Variants in PPARGC1A observed in about 807,000 individuals in gnomAD.
The protein encoded by PPARGC1A is PPARG coactivator 1 alpha, also known as peroxisome proliferator-activated receptor gamma coactivator 1-alpha.
PPARGC1A carries 25 observed loss-of-function variants against 88.7 expected under a neutral mutation model. The observed-to-expected ratio is 0.28, with a 90% CI of 0.21 to 0.39. PPARGC1A has a LOEUF of 0.39. Among genes scored for constraint, PPARGC1A ranks in the 10% least tolerant of loss-of-function variants. PPARGC1A has a pLI of 1.00. For synonymous variants in PPARGC1A, 363 were observed against 355.6 expected, an observed-to-expected ratio of 1.02 and a Z score of -0.24; for missense variants, 880 against 968.7, an observed-to-expected ratio of 0.91 and a Z score of 1.22.
the PPARGC1A span, among the ~76,000 whole-genome samples, chr4:24,339,123 T>C: frequency 6.6e-6 from 1 of 151,386 alleles, no homozygotes; most frequent in Non-Finnish European, 1.5e-5. Flanking sequence ...CTCATGTAAG[T>C]GGAATCACAT....
the PPARGC1A span, among the ~76,000 whole-genome samples, chr4:24,205,865 T>C: frequency 1.3e-5 from 2 of 152,218 alleles, no homozygotes; most frequent in Admixed American, 6.5e-5. Context: ...AAATAATCCA[T>C]ATTCAGTAAG....
At chr4:24,003,878 G>A in the PPARGC1A span, among the ~76,000 whole-genome samples, 2,075 of 150,420 alleles carry the variant, frequency 0.014, 41 homozygotes, top group African/African-American at 0.047. Flanking sequence ...TGGTTTGTAC[G>A]ATTGAGATAA....
At chr4:23,918,237 T>G in the PPARGC1A span, among the ~76,000 whole-genome samples, 14 of 151,972 alleles carry the variant, frequency 9.2e-5, no homozygotes, top group African/African-American at 2.9e-4. Flanking sequence ...TTCTTTTTTT[T>G]GGGGGGATGG....
At chr4:23,992,531 C>CA in the PPARGC1A span, among the ~76,000 whole-genome samples, 15 of 151,340 alleles carry the variant, frequency 9.9e-5, no homozygotes, top group East Asian at 3.9e-4. Context: ...AGTTTGCACC[C>CA]AAAAAAAACA....
At chr4:24,275,608 A>G in the PPARGC1A span, among the ~76,000 whole-genome samples, 1 of 152,200 alleles carries the variant, frequency 6.6e-6, no homozygotes, top group African/African-American at 2.4e-5. Flanking sequence ...AATAAATAGG[A>G]TTTTTGCTTT....
the PPARGC1A span, among the ~76,000 whole-genome samples, chr4:24,290,709 T>C: frequency 6.6e-6 from 1 of 152,082 alleles, no homozygotes; most frequent in African/African-American, 2.4e-5. Flanking sequence ...TGGCACATAG[T>C]AGGCACTCGA....
the PPARGC1A span, among the ~76,000 whole-genome samples, chr4:23,956,008 T>A: frequency 6.6e-6 from 1 of 152,132 alleles, no homozygotes; most frequent in South Asian, 2.1e-4. Flanking sequence ...AGTGTGTCAG[T>A]GAACAGGCAT....
chr4:24,071,689 T>C, the PPARGC1A span, among the ~76,000 whole-genome samples: 1 of 152,094 alleles, frequency 6.6e-6, no homozygotes, highest in Non-Finnish European at 1.5e-5. Context: ...TGTGCCTGAA[T>C]TGTGCCAGAA....
upstream of PPARGC1A, among the ~76,000 whole-genome samples, chr4:23,890,949 T>G (rs1225358075): frequency 1.3e-5 from 2 of 152,206 alleles, no homozygotes; most frequent in Non-Finnish European, 2.9e-5. Flanking sequence ...GGGTGCCTTT[T>G]TGAATAAACA....
chr4:24,424,258 C>CTTTTTTTTTTTT, the PPARGC1A span, among the ~76,000 whole-genome samples: 16 of 44,346 alleles, frequency 3.6e-4, 6 homozygotes, highest in South Asian at 2.6e-3. Context: ...TATACACACA[C>CTTTTTTTTTTTT]TTTTTTTTTT....
the PPARGC1A span, among the ~76,000 whole-genome samples, chr4:24,196,726 C>T: frequency 6.6e-6 from 1 of 152,142 alleles, no homozygotes; most frequent in Non-Finnish European, 1.5e-5. Context: ...GATGGGAATC[C>T]TAGTCCATCT....
the PPARGC1A span, among the ~76,000 whole-genome samples, chr4:24,130,912 C>A: frequency 3.3e-5 from 5 of 152,300 alleles, no homozygotes; most frequent in South Asian, 1.0e-3. Context: ...ATGGTCTGCA[C>A]TGTCCCCTCA....
At chr4:24,091,467 C>G in the PPARGC1A span, 8 of 985,424 alleles carry the variant, frequency 8.1e-6, no homozygotes, top group Non-Finnish European at 8.4e-6. Flanking sequence ...ACATCACTTA[C>G]CTGCCAGCCT....
At chr4:24,178,767 A>C in the PPARGC1A span, among the ~76,000 whole-genome samples, 2 of 152,220 alleles carry the variant, frequency 1.3e-5, no homozygotes, top group Non-Finnish European at 2.9e-5. Context: ...ATTTCTGCCG[A>C]TAATGAAGCA....
At chr4:23,947,591 T>G in the PPARGC1A span, among the ~76,000 whole-genome samples, 12 of 151,814 alleles carry the variant, frequency 7.9e-5, no homozygotes, top group African/African-American at 2.4e-4. Flanking sequence ...CTCTGAAGCT[T>G]GTTGACAACG....
At chr4:23,871,668 G>A (rs919009150) in intron 2 of PPARGC1A, among the ~76,000 whole-genome samples, 4 of 152,114 alleles carry the variant, frequency 2.6e-5, no homozygotes, top group African/African-American at 9.7e-5. Context: ...GGACACCCAG[G>A]AGAACTATGT....
At chr4:24,144,446 G>A in the PPARGC1A span, among the ~76,000 whole-genome samples, 3 of 151,776 alleles carry the variant, frequency 2.0e-5, no homozygotes, top group Non-Finnish European at 2.9e-5. Flanking sequence ...CAGGAGAAGC[G>A]ATGCTGGAGC....
chr4:24,131,828 C>A, the PPARGC1A span, among the ~76,000 whole-genome samples: 1 of 152,120 alleles, frequency 6.6e-6, no homozygotes, highest in Non-Finnish European at 1.5e-5. Context: ...TAGAAGGAAC[C>A]ATTTTTCGTC....
At chr4:24,010,227 A>C in the PPARGC1A span, among the ~76,000 whole-genome samples, 1 of 152,182 alleles carries the variant, frequency 6.6e-6, no homozygotes, top group Non-Finnish European at 1.5e-5. Context: ...TACCTCATAG[A>C]ATTATAAATG....
Sources: allele counts gnomAD v4.1 joint callset (sites outside exome capture counted in the v4.1 genomes callset), GRCh38; gene constraint gnomAD v4.1.1; transcripts MANE v1.5; gene names NCBI Gene and HGNC (gene_info 2026-07-23, HGNC 2026-07-21).